The following TTK variants were observed in gnomAD, a reference collection of about 807,000 sequenced individuals.
The protein encoded by TTK is dual specificity protein kinase TTK.
A neutral mutation model predicts 117.3 loss-of-function variants in TTK; 59 were observed. That is an observed-to-expected ratio of 0.50 (90% CI 0.41 to 0.62). The LOEUF (loss-of-function observed/expected upper bound fraction) is 0.62, where lower values mean the gene tolerates loss of function less well. Among genes scored for constraint, TTK ranks in the 20% least tolerant of loss-of-function variants. The pLI is 0.00. For missense variants in TTK, 921 were observed against 989.4 expected (o/e 0.93, Z 0.93); for synonymous variants, 302 against 325.0 (o/e 0.93, Z 0.76).
intron 10 of TTK, among the ~76,000 whole-genome samples, chr6:80,017,600 A>T (rs1006038581): frequency 1.4e-4 from 21 of 152,166 alleles, no homozygotes; most frequent in Non-Finnish European, 2.6e-4. Context: ...TAGTAGCTGC[A>T]CTAAGTCTTG....
chr6:80,019,875 C>G, intron 10 of TTK, among the ~76,000 whole-genome samples: 1 of 152,038 alleles, frequency 6.6e-6, no homozygotes, highest in East Asian at 1.9e-4. Context: ...TAAACTCAGA[C>G]AAAAATGTAT....
intron 9 of TTK, among the ~76,000 whole-genome samples, chr6:80,013,948 C>G (rs1767236351): frequency 6.6e-6 from 1 of 151,912 alleles, no homozygotes; most frequent in Non-Finnish European, 1.5e-5. Context: ...CTTTGTAATG[C>G]CTCCCTCTTT....
At chr6:80,010,454 G>T (rs188725756) in intron 4 of TTK, among the ~76,000 whole-genome samples, 7 of 150,092 alleles carry the variant, frequency 4.7e-5, no homozygotes, top group Admixed American at 2.7e-4. Context: ...CATCTAGAAT[G>T]CCCTCCTGTT....
At chr6:80,018,878 CTAA>C (rs1373614692) in intron 10 of TTK, among the ~76,000 whole-genome samples, 4 of 152,012 alleles carry the variant, frequency 2.6e-5, no homozygotes, top group Non-Finnish European at 4.4e-5. Context: ...ACTGAGGCTA[CTAA>C]TAATAGTTTT....
At position 80,022,384 on chromosome 6, in the gene TTK, A is replaced by G; in HGVS notation, c.1169A>G (p.Lys390Arg). The G allele has an allele frequency of 6.2e-7, 1 of 1,614,032 alleles. No homozygotes were observed. The highest frequency in any genetic ancestry group is 8.5e-7 in the Non-Finnish European group (1 of 1,179,968). ...AGTAACCAGAAACAGTGGCAATCTAAGAGAAAGTCAGAGTGTATTAACCAG... is the reference window on the plus strand; with the variant it reads ...AGTAACCAGAAACAGTGGCAATCTAGGAGAAAGTCAGAGTGTATTAACCAG... The part of the protein sequence containing the change: ...PESNQKQWQS[K>R]RKSECINQNP... Residue 390 changes from lysine to arginine, a missense_variant, in exon 11 of 22, where the codon AAG becomes AGG. Coordinates refer to ENST00000369798, the MANE Select transcript of TTK (RefSeq NM_003318.5).
intron 8 of TTK, 133 bp downstream of exon 8, chr6:80,012,113 ATGT>A (rs1767177202): frequency 5.6e-6 from 4 of 709,540 alleles, no homozygotes; most frequent in East Asian, 5.9e-5. Context: ...TAATCTCTAA[ATGT>A]TGTCAGGAAC....
At chr6:80,023,525 G>A (rs1276084236) in intron 11 of TTK, among the ~76,000 whole-genome samples, 1 of 152,086 alleles carries the variant, frequency 6.6e-6, no homozygotes, top group Non-Finnish European at 1.5e-5. Context: ...CCCAGGAGGC[G>A]GAGCTTGCAG....
intron 14 of TTK, 59 bp from the exon 15 acceptor site, chr6:80,034,926 T>A: frequency 7.8e-7 from 1 of 1,274,514 alleles, no homozygotes; most frequent in Non-Finnish European, 1.0e-6. Flanking sequence ...AAATTTAGAA[T>A]CATTGTGTGA....
At chr6:80,040,390 C>A in intron 20 of TTK, 110 bp downstream of exon 20, 1 of 1,001,648 alleles carries the variant, frequency 1.0e-6, no homozygotes, top group Non-Finnish European at 1.4e-6. Flanking sequence ...TGTCAGCCTG[C>A]CTTTTTCCTT....
chr6:80,035,095 G>A lies in TTK; in HGVS notation c.1725G>A (p.Leu575=). ...LDSYRNEIAY[L]NKLQQHSDKI... ...GTTACCGGAACGAAATAGCTTATTT[G>A]AATAAACTACAACAACACAGTGATA... Residue 575 remains leucine (L), a synonymous_variant, in exon 15 of 22, where the codon TTG becomes TTA. Coordinates refer to ENST00000369798, the MANE Select transcript of TTK (RefSeq NM_003318.5). 6.3e-7 allele frequency: 1 copy of A among 1,598,396 alleles called. No individual in the cohort carries two copies. Among genetic ancestry groups the A allele is most frequent in the Non-Finnish European group, 8.5e-7 (1 of 1,175,128 alleles).
intron 13 of TTK, among the ~76,000 whole-genome samples, chr6:80,028,731 AG>A (rs1378318492): frequency 1.3e-5 from 2 of 152,216 alleles, no homozygotes; most frequent in Non-Finnish European, 2.9e-5. Flanking sequence ...TAGCAATATG[AG>A]GTACTGCTAG....
chr6:80,030,101 T>C (rs893382856), intron 13 of TTK, among the ~76,000 whole-genome samples: 1 of 152,208 alleles, frequency 6.6e-6, no homozygotes, highest in African/African-American at 2.4e-5. Flanking sequence ...CTTATCTTTT[T>C]ATTTAAATAG....
chr6:80,034,665 G>A (rs901373402), intron 14 of TTK, among the ~76,000 whole-genome samples: 2 of 152,010 alleles, frequency 1.3e-5, no homozygotes, highest in Non-Finnish European at 2.9e-5. Flanking sequence ...TCTTTATGCT[G>A]TTTCCCTGTT....
intron 20 of TTK, 70 bp from the exon 21 acceptor site, chr6:80,040,532 TAAAC>T (rs1768020158): frequency 2.3e-6 from 3 of 1,317,054 alleles, no homozygotes; most frequent in Admixed American, 4.1e-5. Context: ...TTTGTGCTAT[TAAAC>T]AAAATGTGTA....
At chr6:80,007,733 A>G (rs1001642275) in intron 2 of TTK, 76 bp from the exon 3 acceptor site, 4 of 1,230,980 alleles carry the variant, frequency 3.2e-6, no homozygotes, top group East Asian at 5.0e-5. Context: ...ATGTTTGACT[A>G]TATTTTGAAG....
Position 80,040,243 on chromosome 6 carries a change from C to A in TTK, c.2355C>A (p.Leu785=), listed in dbSNP as rs370256471. The change falls in exon 20 of 22, where the codon CTC becomes CTA. Residue 785 remains leucine, a synonymous_variant. Coordinates refer to ENST00000369798, the MANE Select transcript of TTK (RefSeq NM_003318.5). The part of the protein sequence containing the change: ...DPKQRISIPE[L]LAHPYVQIQT... ...AACAGAGGATATCCATTCCTGAGCTCCTGGCTCATCCATATGTTCAAATTC... is the reference window on the plus strand; with the variant it reads ...AACAGAGGATATCCATTCCTGAGCTACTGGCTCATCCATATGTTCAAATTC... 10 of 1,592,330 alleles carry A rather than the reference C, an allele frequency of 6.3e-6. No individual in the cohort carries two copies. The highest frequency in any genetic ancestry group is 8.5e-6 in the Non-Finnish European group (10 of 1,170,256).
At chr6:80,010,780 G>T in intron 4 of TTK, 34 bp from the exon 5 acceptor site, 1 of 1,206,884 alleles carries the variant, frequency 8.3e-7, no homozygotes, top group East Asian at 2.8e-5. Flanking sequence ...GCATTTTACT[G>T]CCTAAAAATG....
Position 80,035,107 on chromosome 6 carries a change from A to G in TTK, c.1737A>G (p.Gln579=), listed in dbSNP as rs1451859838. 6.3e-7 allele frequency: 1 copy of G among 1,586,820 alleles called. No individual in the cohort carries two copies. The highest frequency in any genetic ancestry group is 8.5e-7 in the Non-Finnish European group (1 of 1,171,784). Residue 579 remains glutamine (Q), a synonymous_variant, in exon 15 of 22, where the codon CAA becomes CAG. Coordinates refer to ENST00000369798, the MANE Select transcript of TTK (RefSeq NM_003318.5). The part of the protein sequence containing the change: ...RNEIAYLNKL[Q]QHSDKIIRLY... ...AAATAGCTTATTTGAATAAACTACA[A>G]CAACACAGTGATAAGATCATCCGAC... is the stretch of plus-strand genomic sequence containing the variant.
chr6:80,028,641 G>A (rs1767673951), intron 13 of TTK, among the ~76,000 whole-genome samples: 1 of 152,050 alleles, frequency 6.6e-6, no homozygotes, highest in South Asian at 2.1e-4. Context: ...GTTGTGTTTT[G>A]TCAGCTGCTA....
Sources: allele counts gnomAD v4.1 joint callset (sites outside exome capture counted in the v4.1 genomes callset), GRCh38; gene constraint gnomAD v4.1.1; transcripts MANE v1.5; gene names NCBI Gene and HGNC (gene_info 2026-07-23, HGNC 2026-07-21).